FBXL12: variants seen among roughly 807,000 people sequenced by gnomAD.
The protein encoded by FBXL12 is F-box and leucine rich repeat protein 12, also known as F-box/LRR-repeat protein 12.
Under a neutral mutation model 24.9 loss-of-function variants are expected in FBXL12, and 22 were observed. The observed-to-expected ratio is 0.88, with a 90% CI of 0.63 to 1.26. FBXL12 has a LOEUF of 1.26. FBXL12 is among the 50% of genes most tolerant of loss of function. The pLI is 0.00. For missense variants in FBXL12, 384 were observed against 434.1 expected (o/e 0.88, Z 1.03); for synonymous variants, 193 against 193.8 (o/e 1.00, Z 0.03).
intron 2 of FBXL12, among the ~76,000 whole-genome samples, chr19:9,815,796 A>C (rs2045869526): frequency 6.6e-6 from 1 of 152,062 alleles, no homozygotes; most frequent in South Asian, 2.1e-4. Context: ...CTGGGATTAC[A>C]AGCATGCGCC....
rs146264240 is a variant in FBXL12, at chr19:9,817,724, T to C, written c.159+821A>G. Among the ~76,000 whole-genome samples, 473 of 152,242 alleles carry C rather than the reference T, an allele frequency of 3.1e-3. 4 individuals are homozygous for C. The highest frequency in any genetic ancestry group is 0.011 in the African/African-American group (452 of 41,530). On this transcript the variant is annotated intron_variant, in intron 2 of 2. Coordinates refer to ENST00000247977, the MANE Select transcript of FBXL12 (RefSeq NM_017703.3). ...TTAAAGGGAGTTACAGATGGATATA[T>C]ACAGTAAAATTGTTTAAAAGTAGAA... is the stretch of plus-strand genomic sequence containing the variant.
chr19:9,813,141 G>A (rs549586406), intron 2 of FBXL12: 631 of 785,750 alleles, frequency 8.0e-4, no homozygotes, highest in Non-Finnish European at 1.0e-3. Flanking sequence ...GTTAGACTTA[G>A]TAGAAAATAA....
rs762065237 is a variant in FBXL12 at position 9,818,447 on chromosome 19, G to A, written c.159+98C>T. On this transcript the variant is annotated intron_variant, in intron 2 of 2. Coordinates refer to ENST00000247977, the MANE Select transcript of FBXL12 (RefSeq NM_017703.3). ...CGGATCGCCTGGCTCTAAATCCCCA[G>A]CCCGGGCCCCGACACACAGTCCCAG... The A allele has an allele frequency of 3.8e-6, 5 of 1,329,480 alleles. No homozygotes were observed. In the East Asian group the frequency reaches 7.6e-5, roughly 20 times the overall value. 82.4% of individuals were successfully genotyped at this position (1,329,480 alleles called of 1,614,324 possible).
chr19:9,816,960 A>G (rs2045899542), intron 2 of FBXL12, among the ~76,000 whole-genome samples: 1 of 152,236 alleles, frequency 6.6e-6, no homozygotes, highest in South Asian at 2.1e-4. Context: ...ATGAGAAAGA[A>G]GCAAAAAAGG....
Position 9,810,503 on chromosome 19 carries a change from G to C in FBXL12, c.*393C>G, listed in dbSNP as rs2145359937. On this transcript the variant is annotated 3_prime_UTR_variant, in exon 3 of 3. Transcript: ENST00000247977. Reference sequence around the variant, plus strand: ...CAGTCCTTCTTGGGTACTCATAAGGGGGCTCAGACCCTCAGGTGCCCCTGA... The same window carrying C: ...CAGTCCTTCTTGGGTACTCATAAGGCGGCTCAGACCCTCAGGTGCCCCTGA... The C allele has an allele frequency of 5.6e-6, 1 of 177,756 alleles. No homozygotes were observed. Among genetic ancestry groups the C allele is most frequent in the South Asian group, 1.5e-4 (1 of 6,662 alleles). 11.0% of individuals were successfully genotyped at this position (177,756 alleles called of 1,614,324 possible). A position where few individuals can be genotyped will look rare whatever the true frequency, so the allele number is the denominator to read the frequency against.
At chr19:9,815,411 G>A (rs2045858650) in intron 2 of FBXL12, among the ~76,000 whole-genome samples, 1 of 152,156 alleles carries the variant, frequency 6.6e-6, no homozygotes, top group Non-Finnish European at 1.5e-5. Flanking sequence ...CCAGGTGCAT[G>A]GTGCAAGCTG....
chr19:9,810,971 G>A lies in FBXL12; in HGVS notation c.906C>T (p.Ile302=). The part of the protein sequence containing the change: ...LGWEGQEAEK[I]LCKGLPHCMV... ...TACAGTGGGGCAGCCCCTTACACAG[G>A]ATCTTCTCCGCCTCCTGACCCTCCC... Residue 302 remains isoleucine (I), a synonymous_variant, in exon 3 of 3, where the codon ATC becomes ATT. Coordinates refer to ENST00000247977, the MANE Select transcript of FBXL12 (RefSeq NM_017703.3). 1 of 1,613,258 alleles carries A rather than the reference G, an allele frequency of 6.2e-7. No individual in the cohort carries two copies. The highest frequency in any genetic ancestry group is 8.5e-7 in the Non-Finnish European group (1 of 1,179,528).
intron 2 of FBXL12, among the ~76,000 whole-genome samples, chr19:9,812,889 C>T (rs1269700624): frequency 6.6e-6 from 1 of 151,782 alleles, no homozygotes; most frequent in Non-Finnish European, 1.5e-5. Flanking sequence ...GCCTGACCAA[C>T]ATGGAGAAAC....
In FBXL12 at chr19:9,810,347, AAATAT is replaced by A. The variant is rs1473814532; in HGVS notation, c.*544_*548del. 1 of 152,370 alleles carries A rather than the reference AAATAT, an allele frequency of 6.6e-6. No homozygotes were observed. Among genetic ancestry groups the A allele is most frequent in the African/African-American group, 2.4e-5 (1 of 41,452 alleles). The allele number at this position is 152,370 out of a possible 1,614,324, so 9.4% of individuals were successfully genotyped here. On this transcript the variant is annotated 3_prime_UTR_variant, in exon 3 of 3. Coordinates refer to ENST00000247977, the MANE Select transcript of FBXL12 (RefSeq NM_017703.3). Reference sequence around the variant, plus strand: ...GAAAATACAGCATACAAAATACAGAAAATATAATTGAGCACTTTTATGAGCATATC... The same window carrying A: ...GAAAATACAGCATACAAAATACAGAAAATTGAGCACTTTTATGAGCATATC...
At chr19:9,817,357 A>T (rs1335351676) in intron 2 of FBXL12, among the ~76,000 whole-genome samples, 1 of 152,226 alleles carries the variant, frequency 6.6e-6, no homozygotes, top group Non-Finnish European at 1.5e-5. Flanking sequence ...AGAGGAATCA[A>T]ATCTTCCTTG....
In FBXL12 at chr19:9,811,671, G is replaced by C. The variant is rs774611989; in HGVS notation, c.206C>G (p.Ser69Cys). The C allele has an allele frequency of 5.3e-6, 8 of 1,518,070 alleles. No homozygotes were observed. Among genetic ancestry groups the C allele is most frequent in the Non-Finnish European group, 7.1e-6 (8 of 1,133,798 alleles). 94.0% of individuals were successfully genotyped at this position (1,518,070 alleles called of 1,614,324 possible). A position where few individuals can be genotyped will look rare whatever the true frequency, so the allele number is the denominator to read the frequency against. The change falls in exon 3 of 3, where the codon TCC becomes TGC. Residue 69 changes from serine (S) to cysteine (C), a missense_variant. Coordinates refer to ENST00000247977, the MANE Select transcript of FBXL12 (RefSeq NM_017703.3). The surrounding 1 kb of genome is among the most constrained non-coding windows in gnomAD (Gnocchi z 6.0). Reference sequence around the variant, plus strand: ...ACCCATCCGCAGGGAATGGAGCCGGGATGCCATGTACCTTCGAAGGAGGTG... The same window carrying C: ...ACCCATCCGCAGGGAATGGAGCCGGCATGCCATGTACCTTCGAAGGAGGTG... ...MWHLLRRYMASRLHSLRMGGY... is the reference protein window; with the variant it reads ...MWHLLRRYMACRLHSLRMGGY...
chr19:9,810,887 G>A lies in FBXL12; in HGVS notation c.*9C>T. 1 of 1,568,610 alleles carries A rather than the reference G, an allele frequency of 6.4e-7. No homozygotes were observed. Among genetic ancestry groups the A allele is most frequent in the Non-Finnish European group, 8.7e-7 (1 of 1,149,346 alleles). On this transcript the variant is annotated 3_prime_UTR_variant, in exon 3 of 3. Transcript: ENST00000247977. ...AAACTGGGATGGGTCCCAAGGGCAG[G>A]TGGAGTAGTTACATCCACCAGTCCA...
In FBXL12 at chr19:9,811,804, T is replaced by G. The variant is rs2145365928; in HGVS notation, c.160-87A>C. ...GGGCTGGAGACACACAACCCCGGGG[T>G]GGGGGATTCTGGTGCCCTGCTGGGC... is the stretch of plus-strand genomic sequence containing the variant. On this transcript the variant is annotated intron_variant, in intron 2 of 2. Transcript: ENST00000247977. This position sits in a 1 kb window ranked among gnomAD's most constrained non-coding sequence, Gnocchi z 6.0. 38 of 1,071,912 alleles carry G rather than the reference T, an allele frequency of 3.5e-5. No individual in the cohort carries two copies. Among genetic ancestry groups the G allele is most frequent in the Non-Finnish European group, 4.5e-5 (35 of 784,328 alleles). The allele number at this position is 1,071,912 out of a possible 1,614,324, so 66.4% of individuals were successfully genotyped here. A position where few individuals can be genotyped will look rare whatever the true frequency, so the allele number is the denominator to read the frequency against.
At chr19:9,812,223 C>T (rs908489532) in intron 2 of FBXL12, among the ~76,000 whole-genome samples, 2 of 152,268 alleles carry the variant, frequency 1.3e-5, no homozygotes, top group East Asian at 1.9e-4. Context: ...CCACTGCACT[C>T]GGCCACTTAG....
intron 1 of FBXL12, 32 bp from the exon 2 acceptor site, chr19:9,818,649 C>G: frequency 1.0e-5 from 16 of 1,549,458 alleles, no homozygotes; most frequent in Non-Finnish European, 1.4e-5. Flanking sequence ...TAGAACGACC[C>G]CAGCCCCGGG....
Position 9,819,062 on chromosome 19 carries a change from C to A in FBXL12, c.-249G>T. 1.8e-6 allele frequency: 1 copy of A among 563,430 alleles called. No individual in the cohort carries two copies. The highest frequency in any genetic ancestry group is 3.2e-6 in the Non-Finnish European group (1 of 314,466). The allele number at this position is 563,430 out of a possible 1,614,324, so 34.9% of individuals were successfully genotyped here. A position where few individuals can be genotyped will look rare whatever the true frequency, so the allele number is the denominator to read the frequency against. On this transcript the variant is annotated 5_prime_UTR_variant, in exon 1 of 3. Coordinates refer to ENST00000247977, the MANE Select transcript of FBXL12 (RefSeq NM_017703.3). The stretch of plus-strand genomic sequence containing the variant: ...AGGTGGCTGAGGCGTGATTTGGCCG[C>A]GACTGGGAACTAAGACCAAGTCCAG...
chr19:9,812,776 A>AAC (rs1555717880), intron 2 of FBXL12, among the ~76,000 whole-genome samples: 1 of 148,328 alleles, frequency 6.7e-6, no homozygotes, highest in African/African-American at 2.6e-5. Context: ...AAAAAAAAAA[A>AAC]AACAACAAAT....
chr19:9,816,268 C>T (rs1258466323), intron 2 of FBXL12, among the ~76,000 whole-genome samples: 1 of 152,192 alleles, frequency 6.6e-6, no homozygotes, highest in East Asian at 1.9e-4. Flanking sequence ...ATGCAAATTT[C>T]TGCATCTGGC....
At chr19:9,817,617 G>A (rs2045911102) in intron 2 of FBXL12, among the ~76,000 whole-genome samples, 1 of 152,140 alleles carries the variant, frequency 6.6e-6, no homozygotes, top group South Asian at 2.1e-4. Context: ...TTGGGGGACA[G>A]CTTCAGTCCA....
Sources: allele counts gnomAD v4.1 joint callset (sites outside exome capture counted in the v4.1 genomes callset), GRCh38; gene constraint gnomAD v4.1.1; non-coding constraint Gnocchi (gnomAD v3.1); transcripts MANE v1.5; gene names NCBI Gene and HGNC (gene_info 2026-07-23, HGNC 2026-07-21).